The following MYSM1 variants were observed in gnomAD, a reference collection of about 807,000 sequenced individuals.
MYSM1 encodes the protein Myb like, SWIRM and MPN domains 1.
A neutral mutation model predicts 116.0 loss-of-function variants in MYSM1; 51 were observed. That is an observed-to-expected ratio of 0.44 (90% CI 0.35 to 0.56). MYSM1 has a LOEUF of 0.56. Ranked by LOEUF, MYSM1 falls within the 20% of genes least tolerant of loss-of-function variation. MYSM1 has a pLI of 0.00. For missense variants in MYSM1, 900 were observed against 974.9 expected, an observed-to-expected ratio of 0.92 and a Z score of 1.02; for synonymous variants, 313 against 315.2, an observed-to-expected ratio of 0.99 and a Z score of 0.07.
chr1:58,660,694 T>C (rs1644378030), intron 19 of MYSM1, among the ~76,000 whole-genome samples: 1 of 152,084 alleles, frequency 6.6e-6, no homozygotes, highest in Non-Finnish European at 1.5e-5. Flanking sequence ...AAAAGACAAA[T>C]GTTGCAGATC....
chr1:58,691,204 TG>T (rs58933933), intron 3 of MYSM1, among the ~76,000 whole-genome samples: 40,575 of 151,120 alleles, frequency 0.27, 5,591 homozygotes, highest in Middle Eastern at 0.37. Context: ...GGAGTGAACC[TG>T]GAAGGCGGAG....
In MYSM1 at chr1:58,675,149, A is replaced by AG. The variant is rs558924638; in HGVS notation, c.1494+327dup. Among the ~76,000 whole-genome samples the AG allele has an allele frequency of 3.6e-3, 544 of 152,162 alleles. 6 individuals are homozygous for AG. The highest frequency in any genetic ancestry group is 0.013 in the African/African-American group (526 of 41,558). ...GAATTTTAAAAGAAAAATCAATGAG[A>AG]GAAAAAAAAACTGAACTATATATTT... is the stretch of plus-strand genomic sequence containing the variant. On this transcript the variant is annotated intron_variant, in intron 10 of 19. Coordinates refer to ENST00000472487, the MANE Select transcript of MYSM1 (RefSeq NM_001085487.3).
intron 17 of MYSM1, 112 bp downstream of exon 17, chr1:58,665,387 G>T: frequency 2.5e-6 from 2 of 805,830 alleles, no homozygotes; most frequent in East Asian, 2.8e-5. Context: ...CCCTAGTTGA[G>T]GGCACAAACT....
At chr1:58,667,977 A>G in intron 14 of MYSM1, 56 bp from the exon 15 acceptor site, 1 of 1,175,786 alleles carries the variant, frequency 8.5e-7, no homozygotes, top group Non-Finnish European at 1.3e-6. Context: ...CTGACAAAGT[A>G]ACAAAACTCA....
chr1:58,685,120 C>A (rs755783022), intron 7 of MYSM1, 33 bp downstream of exon 7: 41 of 1,481,702 alleles, frequency 2.8e-5, no homozygotes, highest in Non-Finnish European at 3.6e-5. Flanking sequence ...TAAATATTAT[C>A]ATTATTAACC....
At chr1:58,696,569 G>A (rs889256427) in intron 1 of MYSM1, among the ~76,000 whole-genome samples, 12 of 152,196 alleles carry the variant, frequency 7.9e-5, no homozygotes, top group Non-Finnish European at 1.3e-4. Flanking sequence ...TCCAAATCCA[G>A]TCCTTCCAGT....
chr1:58,698,102 A>ATATATATTTTTT, intron 1 of MYSM1, among the ~76,000 whole-genome samples: 1 of 7,770 alleles, frequency 1.3e-4, no homozygotes, highest in African/African-American at 2.6e-4. Context: ...ATATATATAT[A>ATATATATTTTTT]TTTTTTTTTT....
chr1:58,678,722 GGA>G (rs1644692721), intron 8 of MYSM1, among the ~76,000 whole-genome samples: 1 of 152,162 alleles, frequency 6.6e-6, no homozygotes, highest in Non-Finnish European at 1.5e-5. Flanking sequence ...ATGAAAGGGA[GGA>G]GATATGTGAG....
chr1:58,665,370 A>G (rs1459614987), intron 17 of MYSM1, 129 bp downstream of exon 17: 40 of 691,116 alleles, frequency 5.8e-5, no homozygotes, highest in Non-Finnish European at 1.6e-5. Flanking sequence ...GCACCCAAAT[A>G]ATGATTCCCT....
Position 58,677,052 on chromosome 1 carries a change from T to A in MYSM1, c.1264A>T (p.Ile422Leu), listed in dbSNP as rs748632967. 15 of 1,601,252 alleles carry A rather than the reference T, an allele frequency of 9.4e-6. No homozygotes were observed. The South Asian group carries it at 1.7e-4, about 18-fold the overall frequency. The change falls in exon 9 of 20, where the codon ATA becomes TTA. Residue 422 changes from isoleucine to leucine, a missense_variant. Ile to Leu is a conservative substitution (Grantham distance 5, BLOSUM62 2). Coordinates refer to ENST00000472487, the MANE Select transcript of MYSM1 (RefSeq NM_001085487.3). Reference protein sequence around the residue: ...IRNYILDQWEICKPKYLNKTS... With the variant: ...IRNYILDQWELCKPKYLNKTS... ...TTATTTAAGTATTTTGGTTTGCATA[T>A]CTCCCTAATTAAGAGACAGAAGTAC...
chr1:58,685,341 T>TAAA (rs1331965343), intron 6 of MYSM1, 90 bp from the exon 7 acceptor site: 5 of 691,020 alleles, frequency 7.2e-6, no homozygotes, highest in Non-Finnish European at 9.4e-6. Context: ...AAAAAAAACT[T>TAAA]AAAAAAAAAT....
intron 8 of MYSM1, among the ~76,000 whole-genome samples, chr1:58,678,162 A>G (rs500863): frequency 0.058 from 8,780 of 152,236 alleles, 792 homozygotes; most frequent in African/African-American, 0.2. Context: ...AAACAGGCAT[A>G]GACTACTTTA....
intron 1 of MYSM1, among the ~76,000 whole-genome samples, 178 bp from the exon 2 acceptor site, chr1:58,695,385 A>G (rs1172364264): frequency 1.3e-5 from 2 of 152,212 alleles, no homozygotes; most frequent in African/African-American, 4.8e-5. Context: ...TTGGCCTGTG[A>G]AACACGTGGT....
intron 8 of MYSM1, among the ~76,000 whole-genome samples, chr1:58,680,531 G>A (rs1156519770): frequency 4.6e-5 from 7 of 152,148 alleles, no homozygotes; most frequent in Admixed American, 2.6e-4. Flanking sequence ...GATAACTCAA[G>A]AACAAACCTC....
In MYSM1 at chr1:58,671,877, T is replaced by C. The variant is rs1207334962; in HGVS notation, c.1654A>G (p.Thr552Ala). The part of the protein sequence containing the change: ...PVKSLKVPRP[T>A]KSSFDPFQLI... ...ATTTATATAACACTACACCTTTTTG[T>C]TGGTCTTGGCACTTTTAAAGATTTA... Residue 552 changes from threonine (T) to alanine (A), a missense_variant, in exon 12 of 20, where the codon ACA becomes GCA. By Grantham distance (58) the Thr-to-Ala change is moderately conservative (BLOSUM62 0). Around this residue, in one of 3 missense-constraint regions of MYSM1, gnomAD observed 92 missense variants for 155.0 expected, o/e 0.59. Transcript: ENST00000472487. 6.2e-7 allele frequency: 1 copy of C among 1,612,550 alleles called. No individual in the cohort carries two copies. Among genetic ancestry groups the C allele is most frequent in the African/African-American group, 1.3e-5 (1 of 74,856 alleles).
At chr1:58,672,445 AAATT>A (rs796071493) in intron 11 of MYSM1, among the ~76,000 whole-genome samples, 9 of 152,270 alleles carry the variant, frequency 5.9e-5, no homozygotes, top group African/African-American at 1.9e-4. Context: ...GGGAACAATA[AAATT>A]AATAATAAAA....
At position 58,659,285 on chromosome 1, in the gene MYSM1, TG is replaced by T. The variant is rs1557501159; in HGVS notation, c.*711del. 6.6e-6 allele frequency: 1 copy of T among 152,184 alleles called. No individual in the cohort carries two copies. Among genetic ancestry groups the T allele is most frequent in the African/African-American group, 2.4e-5 (1 of 41,450 alleles). The allele number at this position is 152,184 out of a possible 1,614,324, so 9.4% of individuals were successfully genotyped here. ...AATGAGGTTTTATCACACCTACTAA[TG>T]TAAGTGGACTCACAATTGAAGCTAA... On this transcript the variant is annotated 3_prime_UTR_variant, in exon 20 of 20. Transcript: ENST00000472487.
chr1:58,667,278 T>C, intron 15 of MYSM1, 52 bp from the exon 16 acceptor site: 1 of 1,277,886 alleles, frequency 7.8e-7, no homozygotes, highest in Non-Finnish European at 1.0e-6. Flanking sequence ...TTAATTCTAT[T>C]ACTCTAATGT....
At chr1:58,665,455 A>G in intron 17 of MYSM1, 44 bp downstream of exon 17, 1 of 1,434,504 alleles carries the variant, frequency 7.0e-7, no homozygotes, top group Non-Finnish European at 9.5e-7. Flanking sequence ...AGTCAAAGAA[A>G]TAAGAGTAGA....
Sources: gnomAD v4.1 joint callset for allele counts (sites outside exome capture counted in the v4.1 genomes callset) on GRCh38, gnomAD v4.1.1 for gene constraint, gnomAD v4.1.1 regional missense constraint, MANE v1.5 for transcripts, NCBI Gene and HGNC (gene_info 2026-07-23, HGNC 2026-07-21) for gene names.